Variants in ATP8A2 observed in about 807,000 individuals in gnomAD.
ATP8A2 encodes phospholipid-transporting ATPase IB.
In ATP8A2, 100 loss-of-function variants were observed where a neutral mutation model predicts 165.6. The ratio of observed to expected loss-of-function variants is 0.60; its 90% CI spans 0.51 to 0.71. The LOEUF (loss-of-function observed/expected upper bound fraction) is 0.71. Ranked by LOEUF, ATP8A2 falls within the 30% of genes least tolerant of loss-of-function variation. The pLI, the probability that ATP8A2 is intolerant of heterozygous loss-of-function variation, is 0.00. For missense variants in ATP8A2, 1,227 were observed against 1,479.5 expected (o/e 0.83, Z 2.80); for synonymous variants, 543 against 548.8 (o/e 0.99, Z 0.15).
chr13:25,687,972 A>G (rs1030510252), intron 24 of ATP8A2, among the ~76,000 whole-genome samples: 3 of 152,158 alleles, frequency 2.0e-5, no homozygotes, highest in African/African-American at 7.2e-5. Flanking sequence ...GATGAAGTCC[A>G]AGTGCTTCCT....
intron 25 of ATP8A2, among the ~76,000 whole-genome samples, chr13:25,725,059 TAGCC>T (rs2043463849): frequency 1.3e-5 from 2 of 152,200 alleles, no homozygotes; most frequent in African/African-American, 4.8e-5. Flanking sequence ...TCAGGAAGTG[TAGCC>T]TTTAAACAAG....
rs143616730 is a variant in ATP8A2 at position 25,378,331 on chromosome 13, TG to T, written c.76+6044del. Among the ~76,000 whole-genome samples the T allele has an allele frequency of 1.8e-3, 257 of 139,548 alleles. 2 individuals carry two copies. Among genetic ancestry groups the T allele is most frequent in the African/African-American group, 4.3e-3 (151 of 35,286 alleles). The allele number at this position is 139,548 out of a possible 152,430, so 91.5% of individuals were successfully genotyped here. A position where few individuals can be genotyped will look rare whatever the true frequency, so the allele number is the denominator to read the frequency against. On this transcript the variant is annotated intron_variant, in intron 1 of 36. Transcript: ENST00000381655. Reference sequence around the variant, plus strand: ...AAAGTGATCTAATCCTCATTAACTCTGTTTTTTTTCCAGAGTTTTGCATTTT... The same window carrying T: ...AAAGTGATCTAATCCTCATTAACTCTTTTTTTTTCCAGAGTTTTGCATTTT...
chr13:25,373,844 T>C (rs182373578), intron 1 of ATP8A2, among the ~76,000 whole-genome samples: 7 of 152,138 alleles, frequency 4.6e-5, no homozygotes, highest in Non-Finnish European at 7.4e-5. Flanking sequence ...AGGCCAGACA[T>C]AGAGATTCAA....
At chr13:25,755,369 C>T (rs933596953) in intron 25 of ATP8A2, among the ~76,000 whole-genome samples, 2 of 145,176 alleles carry the variant, frequency 1.4e-5, no homozygotes, top group African/African-American at 5.0e-5. Context: ...TCCAAACCCA[C>T]CTGTGTCCTG....
intron 30 of ATP8A2, among the ~76,000 whole-genome samples, chr13:25,850,902 C>T (rs561824642): frequency 1.6e-3 from 246 of 152,234 alleles, no homozygotes; most frequent in Middle Eastern, 0.014. Context: ...GAAACGACAC[C>T]CACAGGTGTT....
intron 2 of ATP8A2, among the ~76,000 whole-genome samples, chr13:25,523,943 T>TAAA (rs2037751448): frequency 6.6e-6 from 1 of 152,086 alleles, no homozygotes; most frequent in South Asian, 2.1e-4. Flanking sequence ...TTAAGGTACT[T>TAAA]TATTAAGTTG....
chr13:25,839,571 C>G lies in ATP8A2; in HGVS notation c.2903C>G (p.Ala968Gly). Residue 968 changes from alanine to glycine, a missense_variant, in exon 30 of 37, where the codon GCC becomes GGC. By Grantham distance (60) the Ala-to-Gly change is moderately conservative. Around this residue, in one of 5 missense-constraint regions of ATP8A2, gnomAD observed 260 missense variants for 245.1 expected, o/e 1.06. Transcript: ENST00000381655. ...TKVFWGHCIN[A>G]LVHSLILFWF... ...GTTTTCTGGGGTCACTGCATCAACG[C>G]CTTGGTCCACTCCCTCATCCTCTTC... The G allele has an allele frequency of 1.2e-6, 2 of 1,614,088 alleles. No homozygotes were observed. Among genetic ancestry groups the G allele is most frequent in the South Asian group, 2.2e-5 (2 of 91,082 alleles).
At chr13:25,427,936 G>T (rs1049981149) in intron 1 of ATP8A2, among the ~76,000 whole-genome samples, 4 of 152,088 alleles carry the variant, frequency 2.6e-5, no homozygotes, top group Non-Finnish European at 4.4e-5. Flanking sequence ...GGTGGCTCAT[G>T]CCTGTAATCC....
intron 1 of ATP8A2, among the ~76,000 whole-genome samples, chr13:25,402,985 AAATAG>A (rs2033685563): frequency 6.6e-6 from 1 of 152,284 alleles, no homozygotes; most frequent in East Asian, 1.9e-4. Flanking sequence ...ATAGAAAGGA[AAATAG>A]GATGGACTCA....
chr13:25,662,353 A>G (rs948498181), intron 24 of ATP8A2, among the ~76,000 whole-genome samples: 2 of 152,074 alleles, frequency 1.3e-5, no homozygotes, highest in Non-Finnish European at 2.9e-5. Flanking sequence ...TAATTTCCCC[A>G]TTTTTAAGAA....
At position 25,862,287 on chromosome 13, in the gene ATP8A2, A is replaced by G. The variant is rs34674796; in HGVS notation, c.3076-14A>G. On this transcript the variant is annotated splice_polypyrimidine_tract_variant and intron_variant, in intron 32 of 36. Coordinates refer to ENST00000381655, the MANE Select transcript of ATP8A2 (RefSeq NM_016529.6). The stretch of plus-strand genomic sequence containing the variant: ...GGTCGAGAAGCCTGTCTGAGTGTCT[A>G]TTTCCCTCTGCAGTTCAGTCATCTG... 0.23 allele frequency: 374,171 copies of G among 1,606,824 alleles called. 45,209 individuals carry two copies. Among genetic ancestry groups the G allele is most frequent in the Middle Eastern group, 0.26 (1,541 of 5,880 alleles).
intron 1 of ATP8A2, among the ~76,000 whole-genome samples, chr13:25,430,666 C>T (rs747610820): frequency 1.4e-4 from 21 of 152,068 alleles, no homozygotes; most frequent in Non-Finnish European, 3.1e-4. Context: ...GGCGAAATCT[C>T]GGCTCGCTGT....
At chr13:25,494,442 C>A (rs1389336751) in intron 2 of ATP8A2, among the ~76,000 whole-genome samples, 1 of 152,090 alleles carries the variant, frequency 6.6e-6, no homozygotes, top group Non-Finnish European at 1.5e-5. Context: ...TATTAGGTTT[C>A]CTGGGAACAA....
At chr13:25,959,089 G>T (rs138680652) in intron 33 of ATP8A2, among the ~76,000 whole-genome samples, 233 of 152,270 alleles carry the variant, frequency 1.5e-3, no homozygotes, top group African/African-American at 5.0e-3. Flanking sequence ...ACCACCTCAG[G>T]CATCTGTAGC....
At chr13:25,973,663 A>G (rs12867250) in intron 35 of ATP8A2, among the ~76,000 whole-genome samples, 34,670 of 152,172 alleles carry the variant, frequency 0.23, 4,853 homozygotes, top group East Asian at 0.55. Flanking sequence ...TTTAACGGAA[A>G]TCCTTTGATC....
intron 1 of ATP8A2, among the ~76,000 whole-genome samples, chr13:25,402,352 TGA>T (rs1339975320): frequency 6.6e-6 from 1 of 152,212 alleles, no homozygotes; most frequent in Non-Finnish European, 1.5e-5. Flanking sequence ...CTCTTGTATA[TGA>T]GAGCAAGGTG....
intron 25 of ATP8A2, among the ~76,000 whole-genome samples, chr13:25,751,626 A>C (rs1042501333): frequency 6.6e-6 from 1 of 151,986 alleles, no homozygotes; most frequent in Non-Finnish European, 1.5e-5. Context: ...TGTAGAGACA[A>C]GGTCTCGCTA....
chr13:25,549,837 T>C (rs2038765395), intron 10 of ATP8A2, among the ~76,000 whole-genome samples: 1 of 152,174 alleles, frequency 6.6e-6, no homozygotes, highest in African/African-American at 2.4e-5. Flanking sequence ...GGACTCTCTC[T>C]GATCATTTCT....
intron 33 of ATP8A2, among the ~76,000 whole-genome samples, chr13:25,892,806 GT>G (rs35638068): frequency 0.16 from 22,806 of 142,166 alleles, 1,915 homozygotes; most frequent in Non-Finnish European, 0.21. Context: ...TTTTTAGTCT[GT>G]TTTTTTTTTT....
Sources: gnomAD v4.1 joint callset for allele counts (sites outside exome capture counted in the v4.1 genomes callset) on GRCh38, gnomAD v4.1.1 for gene constraint, gnomAD v4.1.1 regional missense constraint, MANE v1.5 for transcripts, NCBI Gene and HGNC (gene_info 2026-07-23, HGNC 2026-07-21) for gene names.